PRCP: variants seen among roughly 807,000 people sequenced by gnomAD.
PRCP encodes lysosomal Pro-X carboxypeptidase.
A neutral mutation model predicts 54.2 loss-of-function variants in PRCP; 46 were observed. The observed-to-expected ratio is 0.85, with a 90% CI of 0.67 to 1.09. PRCP has a LOEUF of 1.09. PRCP is among the 50% of genes least tolerant of loss of function. The pLI is 0.00. For missense variants in PRCP, 613 were observed against 596.8 expected (o/e 1.03, Z -0.28); for synonymous variants, 240 against 212.2 (o/e 1.13, Z -1.14).
chr11:82,900,333 G>A lies in PRCP; in HGVS notation c.70C>T (p.Pro24Ser). The stretch of plus-strand genomic sequence containing the variant: ...AGGCTGCCGAGGGCCCTTAAGGCCG[G>A]CCGGAGGGCTATGGTGGCCCAGGGC... ...LAPWATIALR[P>S]ALRALGSLHL... The change falls in exon 1 of 9, where the codon CCG (proline) becomes TCG (serine). Residue 24 changes from proline (P) to serine (S), a missense_variant. By Grantham distance (74) the Pro-to-Ser change is moderately conservative. Transcript: ENST00000313010. 1 of 1,614,178 alleles carries A rather than the reference G, an allele frequency of 6.2e-7. No homozygotes were observed. Among genetic ancestry groups the A allele is most frequent in the Non-Finnish European group, 8.5e-7 (1 of 1,180,010 alleles).
In PRCP at chr11:82,880,389, A is replaced by T. The variant is rs547435023; in HGVS notation, c.168+19846T>A. Among the ~76,000 whole-genome samples the T allele has an allele frequency of 4.5e-4, 68 of 152,342 alleles. 1 individual carries two copies. The highest frequency in any genetic ancestry group is 1.5e-3 in the African/African-American group (63 of 41,576). ...TGTGCCATTTGCTAAGACCATTGGA[A>T]AAGCACAGTATTAGGGTGGGAGTGT... On this transcript the variant is annotated intron_variant, in intron 1 of 8. Coordinates refer to ENST00000313010, the MANE Select transcript of PRCP (RefSeq NM_005040.4).
intron 1 of PRCP, among the ~76,000 whole-genome samples, chr11:82,881,416 A>G (rs1016287138): frequency 1.3e-5 from 2 of 152,194 alleles, no homozygotes; most frequent in African/African-American, 4.8e-5. Context: ...GGTAACATCC[A>G]AATGCTACAG....
intron 1 of PRCP, among the ~76,000 whole-genome samples, chr11:82,892,935 G>A (rs1003669938): frequency 6.6e-6 from 1 of 152,198 alleles, no homozygotes; most frequent in South Asian, 2.1e-4. Flanking sequence ...CCCAGTGCCT[G>A]ACATACAAAA....
rs181794256 is a variant in PRCP at position 82,883,770 on chromosome 11, G to A, written c.168+16465C>T. On this transcript the variant is annotated intron_variant, in intron 1 of 8. Transcript: ENST00000313010. Reference sequence around the variant, plus strand: ...AGATGCACAGATGAGTGTGACCCAAGGTTGCTTAATGAAATCACAGAAGGG... The same window carrying A: ...AGATGCACAGATGAGTGTGACCCAAAGTTGCTTAATGAAATCACAGAAGGG... Among the ~76,000 whole-genome samples, 209 of 152,302 alleles carry A rather than the reference G, an allele frequency of 1.4e-3. 2 individuals carry two copies. Among genetic ancestry groups the A allele is most frequent in the Non-Finnish European group, 2.3e-3 (156 of 68,022 alleles).
intron 1 of PRCP, among the ~76,000 whole-genome samples, chr11:82,885,761 A>C (rs947259779): frequency 6.6e-6 from 1 of 152,210 alleles, no homozygotes; most frequent in Non-Finnish European, 1.5e-5. Context: ...CAGTCCATGC[A>C]GCATGGATTA....
At position 82,860,097 on chromosome 11, in the gene PRCP, A is replaced by C. The variant is rs751644271; in HGVS notation, c.189T>G (p.Asn63Lys). Residue 63 changes from asparagine (N) to lysine (K), a missense_variant, in exon 2 of 9, where the codon AAT (asparagine) becomes AAG (lysine). Transcript: ENST00000313010. ...FQQKVDHFGF[N>K]TVKTFNQRYL... ...ACCGCTGATTAAAAGTTTTCACAGT[A>C]TTAAATCCAAAATGATCAACCTGTG... The C allele has an allele frequency of 2.6e-6, 4 of 1,541,358 alleles. No homozygotes were observed. Among genetic ancestry groups the C allele is most frequent in the Non-Finnish European group, 1.8e-6 (2 of 1,141,890 alleles).
chr11:82,838,770 C>T (rs532031466), intron 7 of PRCP, among the ~76,000 whole-genome samples, 196 bp from the exon 8 acceptor site: 10 of 152,276 alleles, frequency 6.6e-5, no homozygotes, highest in Admixed American at 3.9e-4. Flanking sequence ...CAAGAAGTCA[C>T]GGAAGTCAGG....
intron 3 of PRCP, among the ~76,000 whole-genome samples, chr11:82,851,494 C>T (rs1858953654): frequency 1.3e-5 from 2 of 149,292 alleles, no homozygotes; most frequent in African/African-American, 2.5e-5. Flanking sequence ...GTGAGTAATC[C>T]TCCATATGAG....
At chr11:82,901,232 A>G (rs1167880836), upstream of PRCP, among the ~76,000 whole-genome samples, 5 of 152,068 alleles carry the variant, frequency 3.3e-5, no homozygotes, top group Non-Finnish European at 5.9e-5. Flanking sequence ...CCGGGTCCAC[A>G]TCGCCCCTAA....
At chr11:82,877,011 G>A (rs994625422) in intron 1 of PRCP, among the ~76,000 whole-genome samples, 3 of 152,214 alleles carry the variant, frequency 2.0e-5, no homozygotes, top group Non-Finnish European at 4.4e-5. Flanking sequence ...GAACAACAAG[G>A]TCCAGGCTGA....
At chr11:82,894,629 T>C (rs1860077962) in intron 1 of PRCP, among the ~76,000 whole-genome samples, 1 of 152,228 alleles carries the variant, frequency 6.6e-6, no homozygotes, top group African/African-American at 2.4e-5. Context: ...AACCCAAACT[T>C]TGAAAATGTT....
chr11:82,846,690 A>G (rs548163718), intron 6 of PRCP, among the ~76,000 whole-genome samples: 1 of 152,372 alleles, frequency 6.6e-6, no homozygotes, highest in Non-Finnish European at 1.5e-5. Context: ...ATTGCAGTAA[A>G]TCAAAACTAG....
chr11:82,849,791 G>A, intron 5 of PRCP, 123 bp downstream of exon 5: 1 of 896,224 alleles, frequency 1.1e-6, no homozygotes, highest in Non-Finnish European at 1.5e-6. Context: ...ATTTTGATTT[G>A]TATAATTTTC....
chr11:82,898,769 A>C (rs1432569824), intron 1 of PRCP, among the ~76,000 whole-genome samples: 1 of 152,216 alleles, frequency 6.6e-6, no homozygotes, highest in Non-Finnish European at 1.5e-5. Flanking sequence ...GCCTGAGAAA[A>C]AAGATTATTT....
chr11:82,895,957 A>G (rs1860110885), intron 1 of PRCP, among the ~76,000 whole-genome samples: 1 of 152,214 alleles, frequency 6.6e-6, no homozygotes, highest in Non-Finnish European at 1.5e-5. Context: ...AGTGACCATG[A>G]GCTCAATGCT....
intron 6 of PRCP, 136 bp from the exon 7 acceptor site, chr11:82,839,561 C>G: frequency 1.1e-6 from 1 of 946,180 alleles, no homozygotes; most frequent in Non-Finnish European, 1.6e-6. Context: ...TGTTTAATTT[C>G]TCTCTTGGGT....
intron 1 of PRCP, among the ~76,000 whole-genome samples, chr11:82,870,833 G>A (rs1024045430): frequency 2.4e-4 from 36 of 152,196 alleles, no homozygotes; most frequent in Admixed American, 2.4e-3. Context: ...AAGGGGTTGT[G>A]AGAGGACAGG....
rs1206126212 is a variant in PRCP at position 82,823,672 on chromosome 11, T to A, written c.*1234A>T. 1.3e-5 allele frequency: 2 copies of A among 151,950 alleles called. No individual in the cohort carries two copies. Among genetic ancestry groups the A allele is most frequent in the Admixed American group, 6.6e-5 (1 of 15,258 alleles). 9.4% of individuals were successfully genotyped at this position (151,950 alleles called of 1,614,324 possible). Reference sequence around the variant, plus strand: ...ATGAAAAGAAACAAGGAGGAAGAAATCTTTCAACAGAGTAGAAACTGTTAG... The same window carrying A: ...ATGAAAAGAAACAAGGAGGAAGAAAACTTTCAACAGAGTAGAAACTGTTAG... On this transcript the variant is annotated 3_prime_UTR_variant, in exon 9 of 9. Coordinates refer to ENST00000313010, the MANE Select transcript of PRCP (RefSeq NM_005040.4).
At chr11:82,874,189 CCACGA>C (rs1165580511) in intron 1 of PRCP, among the ~76,000 whole-genome samples, 4 of 152,256 alleles carry the variant, frequency 2.6e-5, no homozygotes, top group Admixed American at 2.0e-4. Context: ...GGTTTTGCCA[CCACGA>C]CACCAGATAA....
Sources: allele counts gnomAD v4.1 joint callset (sites outside exome capture counted in the v4.1 genomes callset), GRCh38; gene constraint gnomAD v4.1.1; transcripts MANE v1.5; gene names NCBI Gene and HGNC (gene_info 2026-07-23, HGNC 2026-07-21).